The following MGRN1 variants were observed in gnomAD, a reference collection of about 807,000 sequenced individuals.
MGRN1 encodes the protein E3 ubiquitin-protein ligase MGRN1.
In MGRN1, 29 loss-of-function variants were observed where a neutral mutation model predicts 69.2. The ratio of observed to expected loss-of-function variants is 0.42; its 90% CI spans 0.31 to 0.57. The LOEUF (loss-of-function observed/expected upper bound fraction) is 0.57. MGRN1 is among the 20% of genes least tolerant of loss of function. The pLI is 0.15. For synonymous variants in MGRN1, 470 were observed against 344.2 expected (o/e 1.37, Z -4.04); for missense variants, 998 against 796.2 (o/e 1.25, Z -3.05).
chr16:4,645,647 G>A (rs1205222835), intron 1 of MGRN1, among the ~76,000 whole-genome samples: 4 of 152,302 alleles, frequency 2.6e-5, no homozygotes, highest in South Asian at 2.1e-4. Context: ...GTCAGAAGAG[G>A]CCTCGTGGAG....
At chr16:4,671,996 C>A (rs935483175) in intron 9 of MGRN1, among the ~76,000 whole-genome samples, 4 of 152,214 alleles carry the variant, frequency 2.6e-5, no homozygotes, top group African/African-American at 9.6e-5. Context: ...GCCTCCGCCT[C>A]CCGGGTTCAA....
At position 4,689,095 on chromosome 16, in the gene MGRN1, A is replaced by G; in HGVS notation, c.*187A>G. The stretch of plus-strand genomic sequence containing the variant: ...TCCCTTCTGAGTCTCCCTTTTCTAC[A>G]GTTGATATATTTGTAACTGGTACAA... On this transcript the variant is annotated 3_prime_UTR_variant, in exon 17 of 17. Transcript: ENST00000262370. 1.4e-6 allele frequency: 1 copy of G among 739,750 alleles called. No individual in the cohort carries two copies. The highest frequency in any genetic ancestry group is 2.1e-6 in the Non-Finnish European group (1 of 487,422). 45.8% of individuals were successfully genotyped at this position (739,750 alleles called of 1,614,324 possible).
chr16:4,675,292 G>A (rs576255827), intron 10 of MGRN1, among the ~76,000 whole-genome samples: 24 of 151,534 alleles, frequency 1.6e-4, no homozygotes, highest in African/African-American at 5.6e-4. Flanking sequence ...AATTTTTTTT[G>A]TAGAGACAGG....
At chr16:4,656,991 A>G (rs567434220) in intron 4 of MGRN1, among the ~76,000 whole-genome samples, 10 of 152,336 alleles carry the variant, frequency 6.6e-5, no homozygotes. Flanking sequence ...TATCAAAGGG[A>G]TTGGGCAGGT....
chr16:4,646,237 CCTGGGTAG>C (rs2078272287), intron 1 of MGRN1, among the ~76,000 whole-genome samples: 1 of 152,090 alleles, frequency 6.6e-6, no homozygotes, highest in African/African-American at 2.4e-5. Flanking sequence ...TTGAGACCAG[CCTGGGTAG>C]CATAGTGAGA....
rs1188052351 is a variant in MGRN1, at chr16:4,690,942, GTATATT to G, written c.*2039_*2044del. On this transcript the variant is annotated 3_prime_UTR_variant, in exon 17 of 17. Transcript: ENST00000262370. ...GGCTCATCGTTGGTTCGTTTTTACT[GTATATT>G]TATAGTAATAAAATCATGCAGCAAT... 1 of 152,310 alleles carries G rather than the reference GTATATT, an allele frequency of 6.6e-6. No homozygotes were observed. Among genetic ancestry groups the G allele is most frequent in the Non-Finnish European group, 1.5e-5 (1 of 68,018 alleles). The allele number at this position is 152,310 out of a possible 1,614,324, so 9.4% of individuals were successfully genotyped here. A position where few individuals can be genotyped will look rare whatever the true frequency, so the allele number is the denominator to read the frequency against.
intron 5 of MGRN1, among the ~76,000 whole-genome samples, chr16:4,661,227 C>T (rs2078673017): frequency 6.6e-6 from 1 of 152,060 alleles, no homozygotes. Flanking sequence ...AATCCTCGTA[C>T]CTCGGCCTCC....
chr16:4,687,361 A>G (rs867664271), intron 16 of MGRN1: 8 of 942,252 alleles, frequency 8.5e-6, no homozygotes, highest in Middle Eastern at 1.1e-3. Flanking sequence ...TCAGTGTAGA[A>G]AACATAGACC....
intron 1 of MGRN1, among the ~76,000 whole-genome samples, chr16:4,628,309 C>G (rs1897800845): frequency 6.6e-6 from 1 of 150,992 alleles, no homozygotes; most frequent in Admixed American, 6.6e-5. Flanking sequence ...TGGCATGAAC[C>G]CGGGAGGTGA....
At chr16:4,687,214 C>A (rs2079344378) in intron 16 of MGRN1, 2 of 985,274 alleles carry the variant, frequency 2.0e-6, no homozygotes, top group African/African-American at 1.7e-5. Context: ...CCATCCCCCC[C>A]AAGAGGCGCC....
At chr16:4,626,398 A>G (rs1056384683) in intron 1 of MGRN1, among the ~76,000 whole-genome samples, 4 of 152,120 alleles carry the variant, frequency 2.6e-5, no homozygotes, top group Non-Finnish European at 5.9e-5. Flanking sequence ...GTCCTCTTTC[A>G]TCTCTGATAT....
chr16:4,690,829 A>G lies in MGRN1; in HGVS notation c.*1921A>G, dbSNP rs2079442232. Reference sequence around the variant, plus strand: ...ACCAAGGCCCCAGCCTCTGGCCATCAGTCCTGGTGCCAGAGCTTTGCGTGA... The same window carrying G: ...ACCAAGGCCCCAGCCTCTGGCCATCGGTCCTGGTGCCAGAGCTTTGCGTGA... On this transcript the variant is annotated 3_prime_UTR_variant, in exon 17 of 17. Coordinates refer to ENST00000262370, the MANE Select transcript of MGRN1 (RefSeq NM_015246.4). 1 of 101,926 alleles carries G rather than the reference A, an allele frequency of 9.8e-6. No homozygotes were observed. Among genetic ancestry groups the G allele is most frequent in the Non-Finnish European group, 1.9e-5 (1 of 53,614 alleles). The allele number at this position is 101,926 out of a possible 1,614,324, so 6.3% of individuals were successfully genotyped here. A position where few individuals can be genotyped will look rare whatever the true frequency, so the allele number is the denominator to read the frequency against.
At chr16:4,629,155 TGTGTGTG>T (rs747200241) in intron 1 of MGRN1, among the ~76,000 whole-genome samples, 22,627 of 146,728 alleles carry the variant, frequency 0.15, 1,895 homozygotes, top group Middle Eastern at 0.27. Context: ...TTCGTATGTG[TGTGTGTG>T]TGTGTGTGTG....
intron 1 of MGRN1, among the ~76,000 whole-genome samples, chr16:4,645,471 C>T (rs1334717764): frequency 1.3e-5 from 2 of 152,168 alleles, no homozygotes; most frequent in Admixed American, 6.5e-5. Context: ...TAATTACTTT[C>T]TCTGAAGTTA....
At chr16:4,648,510 G>C (rs564233595) in intron 1 of MGRN1, among the ~76,000 whole-genome samples, 1 of 87,456 alleles carries the variant, frequency 1.1e-5, no homozygotes, top group African/African-American at 6.6e-5. Flanking sequence ...GGTCACCCGG[G>C]GGCTCCTCCC....
At chr16:4,683,101 G>A in intron 14 of MGRN1, 123 bp from the exon 15 acceptor site, 1 of 1,515,856 alleles carries the variant, frequency 6.6e-7, no homozygotes, top group Admixed American at 1.8e-5. Flanking sequence ...TCGGTCTGTG[G>A]AGGCAGCACC....
chr16:4,660,009 G>A (rs865880834), intron 5 of MGRN1, among the ~76,000 whole-genome samples: 8 of 152,354 alleles, frequency 5.3e-5, no homozygotes, highest in Middle Eastern at 3.4e-3. Context: ...CAGCCAGGCC[G>A]CAGAGACCTG....
At chr16:4,649,989 G>C (rs998314195) in intron 1 of MGRN1, 1 of 169,424 alleles carries the variant, frequency 5.9e-6, no homozygotes, top group East Asian at 1.8e-4. Context: ...CCACCAGGCT[G>C]TGTTCAGCCT....
At chr16:4,686,393 T>A (rs574524762) in intron 16 of MGRN1, 1 of 1,500,246 alleles carries the variant, frequency 6.7e-7, no homozygotes, top group African/African-American at 1.4e-5. Flanking sequence ...GGGTTCCTTC[T>A]GGTTTTTGGG....
Sources: allele counts gnomAD v4.1 joint callset (sites outside exome capture counted in the v4.1 genomes callset), GRCh38; gene constraint gnomAD v4.1.1; transcripts MANE v1.5; gene names NCBI Gene and HGNC (gene_info 2026-07-23, HGNC 2026-07-21).